Variants in URGCP observed in about 807,000 individuals in gnomAD.
URGCP encodes upregulator of cell proliferation.
In URGCP, 13 loss-of-function variants were observed where a neutral mutation model predicts 24.6. That is an observed-to-expected ratio of 0.53 (90% CI 0.34 to 0.84). URGCP has a LOEUF of 0.84. Among genes scored for constraint, URGCP ranks in the 40% least tolerant of loss-of-function variants. URGCP has a pLI of 0.01. For synonymous variants in URGCP, 444 were observed against 487.2 expected, an observed-to-expected ratio of 0.91 and a Z score of 1.17; for missense variants, 899 against 1,194.3, an observed-to-expected ratio of 0.75 and a Z score of 3.64.
chr7:43,926,443 C>A, upstream of URGCP: 1 of 1,198,124 alleles, frequency 8.3e-7, no homozygotes, highest in Non-Finnish European at 1.1e-6. Context: ...GCTGCGGCTC[C>A]CGGCGTGCAG....
chr7:43,890,842 T>C (rs1419391906), intron 1 of URGCP, among the ~76,000 whole-genome samples: 2 of 152,278 alleles, frequency 1.3e-5, no homozygotes, highest in Non-Finnish European at 2.9e-5. Context: ...ATAAATGGCA[T>C]GTGGCTGAAC....
At chr7:43,886,785 TAAAA>T (rs968366521) in intron 3 of URGCP, among the ~76,000 whole-genome samples, 2 of 151,878 alleles carry the variant, frequency 1.3e-5, no homozygotes, top group Non-Finnish European at 2.9e-5. Flanking sequence ...AATAAAATAA[TAAAA>T]GAAAAGAAAA....
chr7:43,887,919 T>C, intron 1 of URGCP, 103 bp from the exon 2 acceptor site: 1 of 733,522 alleles, frequency 1.4e-6, no homozygotes, highest in South Asian at 1.9e-5. Context: ...ATAACGGAAT[T>C]ATGGTCAAAT....
At chr7:43,913,402 T>G (rs2095912265) in intron 1 of URGCP, among the ~76,000 whole-genome samples, 1 of 151,804 alleles carries the variant, frequency 6.6e-6, no homozygotes, top group South Asian at 2.1e-4. Flanking sequence ...TTATTTTTAG[T>G]AGAGACGGGG....
In URGCP at chr7:43,877,711, C is replaced by T. The variant is rs2095847263; in HGVS notation, c.1752G>A (p.Gln584=). 2 of 1,612,730 alleles carry T rather than the reference C, an allele frequency of 1.2e-6. No homozygotes were observed. Among genetic ancestry groups the T allele is most frequent in the Admixed American group, 3.3e-5 (2 of 59,876 alleles). The change falls in exon 6 of 6, where the codon CAG becomes CAA. Residue 584 remains glutamine, a synonymous_variant. Coordinates refer to ENST00000453200, the MANE Select transcript of URGCP (RefSeq NM_001077663.3). ...LARVAQPRLR[Q]PPETLLTLRP... is the part of the protein sequence containing the mutation. The stretch of plus-strand genomic sequence containing the variant: ...TCAGGGTGAGAAGCGTCTCCGGAGG[C>T]TGTCTCAGTCGCGGCTGGGCCACCC...
At chr7:43,917,919 G>C (rs28771208) in intron 1 of URGCP, among the ~76,000 whole-genome samples, 11,480 of 152,010 alleles carry the variant, frequency 0.076, 582 homozygotes, top group African/African-American at 0.14. Flanking sequence ...AGCCATGATT[G>C]TGCCCTGTAT....
At chr7:43,881,590 T>C (rs2095853956) in intron 5 of URGCP, 69 bp downstream of exon 5, 3 of 1,608,874 alleles carry the variant, frequency 1.9e-6, no homozygotes, top group Non-Finnish European at 2.5e-6. Flanking sequence ...CAGTCAGGTG[T>C]GGGAACTGCT....
At chr7:43,913,010 C>A (rs2095911705) in intron 1 of URGCP, among the ~76,000 whole-genome samples, 1 of 152,012 alleles carries the variant, frequency 6.6e-6, no homozygotes, top group Non-Finnish European at 1.5e-5. Flanking sequence ...GCCACCATGC[C>A]CAGCTAATTT....
At chr7:43,884,778 G>C (rs1440930779) in intron 3 of URGCP, among the ~76,000 whole-genome samples, 6 of 152,184 alleles carry the variant, frequency 3.9e-5, no homozygotes, top group Admixed American at 1.3e-4. Flanking sequence ...AGGCTGCAGT[G>C]AGCTATGATG....
chr7:43,878,694 A>T lies in URGCP; in HGVS notation c.769T>A (p.Leu257Met). 1 of 1,614,016 alleles carries T rather than the reference A, an allele frequency of 6.2e-7. No individual in the cohort carries two copies. ...AAGGCGAAGGCGGGCGCCCTGGACA[A>T]GACCACGCTGTCTTCCCGGAAGCTC... The part of the protein sequence containing the change: ...MGSFREDSVV[L>M]SRAPAFAFVR... The change falls in exon 6 of 6, where the codon TTG becomes ATG. Residue 257 changes from leucine to methionine, a missense_variant. Physicochemically the swap from Leu to Met is conservative, Grantham distance 15 (BLOSUM62 2). Coordinates refer to ENST00000453200, the MANE Select transcript of URGCP (RefSeq NM_001077663.3). This position sits in a 1 kb window ranked among gnomAD's most constrained non-coding sequence, Gnocchi z 5.6.
rs781612275 is a variant in URGCP at position 43,877,365 on chromosome 7, C to G, written c.2098G>C (p.Val700Leu). Residue 700 changes from valine to leucine, a missense_variant, in exon 6 of 6, where the codon GTG (valine) becomes CTG (leucine). Transcript: ENST00000453200. ...SRLVVLSTVG[V>L]PGTGKSTLLN... ...AGTGTGGACTTGCCCGTGCCTGGCACCCCGACGGTTGACAGAACCACCAGC... is the reference window on the plus strand; with the variant it reads ...AGTGTGGACTTGCCCGTGCCTGGCAGCCCGACGGTTGACAGAACCACCAGC... 1.2e-6 allele frequency: 2 copies of G among 1,612,744 alleles called. No homozygotes were observed. Among genetic ancestry groups the G allele is most frequent in the South Asian group, 1.1e-5 (1 of 91,082 alleles).
At chr7:43,919,829 G>A (rs1246014297) in intron 1 of URGCP, 2 of 1,273,114 alleles carry the variant, frequency 1.6e-6, no homozygotes, top group African/African-American at 2.9e-5. Context: ...GTGGGCGCAT[G>A]ATGGCCAACC....
chr7:43,893,009 C>A (rs1019239882), intron 1 of URGCP, among the ~76,000 whole-genome samples: 2 of 151,506 alleles, frequency 1.3e-5, no homozygotes, highest in African/African-American at 4.9e-5. Flanking sequence ...GGCAAGTGAA[C>A]GAGACCCCTA....
intron 4 of URGCP, 71 bp downstream of exon 4, chr7:43,881,836 C>A: frequency 6.2e-7 from 1 of 1,605,556 alleles, no homozygotes; most frequent in Non-Finnish European, 8.5e-7. Context: ...ATATAAAATC[C>A]CGGTTATCTG....
chr7:43,921,221 G>A (rs916413841), intron 1 of URGCP, among the ~76,000 whole-genome samples: 2 of 152,058 alleles, frequency 1.3e-5, no homozygotes, highest in African/African-American at 2.4e-5. Context: ...AGCTACTCAG[G>A]AGGCTGAGGC....
chr7:43,882,528 AGCCTGGGAGGTCAAG>A (rs750062708), intron 3 of URGCP, among the ~76,000 whole-genome samples: 97 of 151,864 alleles, frequency 6.4e-4, no homozygotes, highest in Non-Finnish European at 9.1e-4. Flanking sequence ...GGATTACTTG[AGCCTGGGAGGTCAAG>A]GCTGCAGTGA....
At chr7:43,891,443 G>C (rs761901478) in intron 1 of URGCP, among the ~76,000 whole-genome samples, 1 of 150,092 alleles carries the variant, frequency 6.7e-6, no homozygotes. Context: ...CACATAAGCT[G>C]TAAGTCTGCC....
intron 1 of URGCP, among the ~76,000 whole-genome samples, chr7:43,895,884 C>T: frequency 6.6e-6 from 1 of 152,148 alleles, no homozygotes; most frequent in East Asian, 1.9e-4. Context: ...AATATGTGCA[C>T]CCATGTTTAA....
At chr7:43,916,782 G>A (rs113147956) in intron 1 of URGCP, among the ~76,000 whole-genome samples, 24 of 134,570 alleles carry the variant, frequency 1.8e-4, no homozygotes, top group African/African-American at 6.6e-4. Flanking sequence ...CATGGTTGCC[G>A]GGACTCAGGG....
Sources: allele counts gnomAD v4.1 joint callset (sites outside exome capture counted in the v4.1 genomes callset), GRCh38; gene constraint gnomAD v4.1.1; non-coding constraint Gnocchi (gnomAD v3.1); transcripts MANE v1.5; gene names NCBI Gene and HGNC (gene_info 2026-07-23, HGNC 2026-07-21).